Variants in AGO4 observed in about 807,000 individuals in gnomAD.
AGO4 encodes protein argonaute-4.
AGO4 carries 33 observed loss-of-function variants against 104.7 expected under a neutral mutation model. The ratio of observed to expected loss-of-function variants is 0.32; its 90% CI spans 0.24 to 0.42. The LOEUF (loss-of-function observed/expected upper bound fraction) is 0.42. Among genes scored for constraint, AGO4 ranks in the 10% least tolerant of loss-of-function variants. The pLI, the probability that AGO4 is intolerant of heterozygous loss-of-function variation, is 1.00. For synonymous variants in AGO4, 331 were observed against 364.7 expected (o/e 0.91, Z 1.05); for missense variants, 711 against 1,083.4 (o/e 0.66, Z 4.83).
In AGO4 at chr1:35,841,811, C is replaced by CATATATATATAT. The variant is rs5773512; in HGVS notation, c.2175+77_2175+88dup. 215 of 606,442 alleles carry CATATATATATAT rather than the reference C, an allele frequency of 3.5e-4. 2 individuals are homozygous for CATATATATATAT. The highest frequency in any genetic ancestry group is 1.0e-3 in the African/African-American group (52 of 49,678). 37.6% of individuals were successfully genotyped at this position (606,442 alleles called of 1,614,324 possible). Reference sequence around the variant, plus strand: ...CTCTGGCAAGAGATGTATATATGCACATATATATATATATATATATATATA... The same window carrying CATATATATATAT: ...CTCTGGCAAGAGATGTATATATGCACATATATATATATATATATATATATATATATATATATA... On this transcript the variant is annotated intron_variant, in intron 15 of 17. Coordinates refer to ENST00000373210, the MANE Select transcript of AGO4 (RefSeq NM_017629.4). The surrounding 1 kb of genome is among the most constrained non-coding windows in gnomAD (Gnocchi z 4.7).
intron 15 of AGO4, among the ~76,000 whole-genome samples, chr1:35,849,362 C>T (rs1401827430): frequency 6.6e-6 from 1 of 151,814 alleles, no homozygotes; most frequent in Non-Finnish European, 1.5e-5. Flanking sequence ...AACCATTTGC[C>T]AGTGACTTTT....
chr1:35,837,345 A>G (rs1644337349), intron 13 of AGO4, among the ~76,000 whole-genome samples: 1 of 150,772 alleles, frequency 6.6e-6, no homozygotes, highest in Non-Finnish European at 1.5e-5. Flanking sequence ...CAGCCTCCCA[A>G]AGTGCTGAGA....
In AGO4 at chr1:35,814,024, G is replaced by A. The variant is rs185948221; in HGVS notation, c.20-2858G>A. The stretch of plus-strand genomic sequence containing the variant: ...CGGGAGGCGGAGGTTGCAGTAAGCC[G>A]AGATCGCACCACTGCCCTCCAGCCT... On this transcript the variant is annotated intron_variant, in intron 1 of 17. Coordinates refer to ENST00000373210, the MANE Select transcript of AGO4 (RefSeq NM_017629.4). Among the ~76,000 whole-genome samples the A allele has an allele frequency of 1.7e-4, 24 of 145,450 alleles. No individual in the cohort carries two copies. The East Asian group carries it at 2.8e-3, about 17-fold the overall frequency.
At chr1:35,829,023 C>G (rs977036308) in intron 7 of AGO4, among the ~76,000 whole-genome samples, 1 of 144,398 alleles carries the variant, frequency 6.9e-6, no homozygotes, top group South Asian at 2.2e-4. Flanking sequence ...TACTCAGAGC[C>G]CCCCCCCCCA....
At chr1:35,844,548 T>A (rs185552409) in intron 15 of AGO4, among the ~76,000 whole-genome samples, 1 of 152,214 alleles carries the variant, frequency 6.6e-6, no homozygotes, top group East Asian at 1.9e-4. Context: ...AAAAACAAGA[T>A]CTAGAAGGCA....
chr1:35,825,618 G>T (rs1336841590), intron 4 of AGO4, 61 bp from the exon 5 acceptor site: 16 of 1,529,876 alleles, frequency 1.0e-5, no homozygotes, highest in Non-Finnish European at 1.4e-5. Context: ...CCAGAGTTGA[G>T]AGTGAAATGA....
intron 8 of AGO4, 52 bp downstream of exon 8, chr1:35,831,626 T>G: frequency 6.3e-7 from 1 of 1,580,810 alleles, no homozygotes; most frequent in Non-Finnish European, 8.6e-7. Flanking sequence ...TGAGTATATA[T>G]TTTTAAGTAG....
At chr1:35,843,900 A>C (rs1395135870) in intron 15 of AGO4, among the ~76,000 whole-genome samples, 1 of 152,236 alleles carries the variant, frequency 6.6e-6, no homozygotes, top group East Asian at 1.9e-4. Flanking sequence ...CAAAATTGAC[A>C]GTTCCAGTTC....
intron 15 of AGO4, among the ~76,000 whole-genome samples, chr1:35,845,664 A>G (rs1443019834): frequency 2.0e-5 from 3 of 152,006 alleles, no homozygotes; most frequent in Non-Finnish European, 4.4e-5. Flanking sequence ...AGATTACTAA[A>G]TCTGTATTTC....
intron 13 of AGO4, among the ~76,000 whole-genome samples, chr1:35,838,384 G>A (rs1015634230): frequency 6.6e-6 from 1 of 151,848 alleles, no homozygotes; most frequent in Non-Finnish European, 1.5e-5. Flanking sequence ...ATGAGGTCTT[G>A]CTGTGTTGTC....
At chr1:35,829,808 T>C (rs1414680782) in intron 7 of AGO4, among the ~76,000 whole-genome samples, 1 of 128,558 alleles carries the variant, frequency 7.8e-6, no homozygotes, top group Non-Finnish European at 1.6e-5. Context: ...GAGATTGCAC[T>C]CTAGCCTGGG....
At position 35,808,205 on chromosome 1, in the gene AGO4, T is replaced by G; in HGVS notation, c.-212T>G. 1.9e-5 allele frequency: 3 copies of G among 154,316 alleles called. No homozygotes were observed. The highest frequency in any genetic ancestry group is 1.9e-4 in the East Asian group (1 of 5,210). 9.6% of individuals were successfully genotyped at this position (154,316 alleles called of 1,614,324 possible). A position where few individuals can be genotyped will look rare whatever the true frequency, so the allele number is the denominator to read the frequency against. On this transcript the variant is annotated 5_prime_UTR_variant, in exon 1 of 18. Coordinates refer to ENST00000373210, the MANE Select transcript of AGO4 (RefSeq NM_017629.4). The surrounding 1 kb of genome is among the most constrained non-coding windows in gnomAD (Gnocchi z 5.2). Reference sequence around the variant, plus strand: ...GGCGGCGGCGGCGGCGGGGATTGTTTTTGTTGTCGCTGAGGCCGGAAGAGC... The same window carrying G: ...GGCGGCGGCGGCGGCGGGGATTGTTGTTGTTGTCGCTGAGGCCGGAAGAGC...
chr1:35,845,213 G>T (rs12142720), intron 15 of AGO4, among the ~76,000 whole-genome samples: 1,988 of 8,646 alleles, frequency 0.23, 684 homozygotes, highest in Non-Finnish European at 0.36. Flanking sequence ...TTTTTTTTTT[G>T]AAATGGAGTT....
intron 1 of AGO4, among the ~76,000 whole-genome samples, chr1:35,815,681 C>T (rs1336882029): frequency 6.6e-6 from 1 of 152,164 alleles, no homozygotes; most frequent in Non-Finnish European, 1.5e-5. Context: ...TTCTCAACCT[C>T]TTTCTCAGCA....
intron 15 of AGO4, among the ~76,000 whole-genome samples, chr1:35,844,762 C>A (rs919655856): frequency 6.6e-6 from 1 of 152,180 alleles, no homozygotes; most frequent in Non-Finnish European, 1.5e-5. Flanking sequence ...TCTGTTGCCT[C>A]CTTCTCGCCC....
chr1:35,817,110 ATTG>A (rs1321835329), intron 2 of AGO4, 63 bp downstream of exon 2: 5 of 1,442,154 alleles, frequency 3.5e-6, no homozygotes, highest in Admixed American at 2.2e-5. Flanking sequence ...TATGTATCAT[ATTG>A]TTCTCTAAAT....
At chr1:35,830,722 T>TC (rs1268771374) in intron 7 of AGO4, among the ~76,000 whole-genome samples, 1 of 152,116 alleles carries the variant, frequency 6.6e-6, no homozygotes, top group African/African-American at 2.4e-5. Flanking sequence ...ACACCTGTGA[T>TC]CCCAGCACTT....
In AGO4 at chr1:35,825,443, AT is replaced by A; in HGVS notation, c.438del (p.Asp146GlufsTer17). ...GCTGGGCACTTGAATGAAGTCCCAG[AT>A]GACTCAGTACAAGCACTTGATGTTA... ...ALAGHLNEVP[D>X]DSVQALDVIT... is the part of the protein sequence containing the mutation. On this transcript the variant is annotated frameshift_variant, in exon 4 of 18. Coordinates refer to ENST00000373210, the MANE Select transcript of AGO4 (RefSeq NM_017629.4). LOFTEE classifies it high-confidence loss of function. 1 of 1,614,222 alleles carries A rather than the reference AT, an allele frequency of 6.2e-7. No individual in the cohort carries two copies. Among genetic ancestry groups the A allele is most frequent in the Non-Finnish European group, 8.5e-7 (1 of 1,180,042 alleles).
intron 13 of AGO4, 64 bp downstream of exon 13, chr1:35,836,057 C>A: frequency 6.5e-7 from 1 of 1,539,394 alleles, no homozygotes. Flanking sequence ...TATGGGAAAG[C>A]ACACAAATAT....
Sources: allele counts gnomAD v4.1 joint callset (sites outside exome capture counted in the v4.1 genomes callset), GRCh38; gene constraint gnomAD v4.1.1; non-coding constraint Gnocchi (gnomAD v3.1); transcripts MANE v1.5; gene names NCBI Gene and HGNC (gene_info 2026-07-23, HGNC 2026-07-21).